SRD5A1: variants seen among roughly 807,000 people sequenced by gnomAD.
SRD5A1 encodes steroid 5 alpha-reductase 1, also known as 3-oxo-5-alpha-steroid 4-dehydrogenase 1.
A neutral mutation model predicts 28.2 loss-of-function variants in SRD5A1; 22 were observed. The ratio of observed to expected loss-of-function variants is 0.78; its 90% confidence interval spans 0.56 to 1.12. The LOEUF is 1.12. Among genes scored for constraint, SRD5A1 ranks in the 50% most tolerant of loss-of-function variants. The pLI, the probability that SRD5A1 is intolerant of heterozygous loss-of-function variation, is 0.00. For missense variants in SRD5A1, 300 were observed against 346.7 expected, an observed-to-expected ratio of 0.87 and a Z score of 1.07; for synonymous variants, 151 against 135.0, an observed-to-expected ratio of 1.12 and a Z score of -0.82.
intron 1 of SRD5A1, among the ~76,000 whole-genome samples, chr5:6,636,066 T>A (rs1267712179): frequency 7.3e-6 from 1 of 136,552 alleles, no homozygotes; most frequent in Non-Finnish European, 1.6e-5. Context: ...GTTTTTTTTT[T>A]AAATTGCTAG....
intron 3 of SRD5A1, among the ~76,000 whole-genome samples, chr5:6,658,140 C>G (rs1012937783): frequency 3.3e-5 from 5 of 152,082 alleles, no homozygotes; most frequent in African/African-American, 1.2e-4. Context: ...ACCTGGCCAA[C>G]ATGGTAAAAC....
At chr5:6,643,114 C>T (rs1245800553) in intron 1 of SRD5A1, among the ~76,000 whole-genome samples, 2 of 151,490 alleles carry the variant, frequency 1.3e-5, no homozygotes, top group South Asian at 2.1e-4. Flanking sequence ...CTACTAAATT[C>T]GTGTTTTCTC....
chr5:6,669,096 G>A lies in SRD5A1; in HGVS notation c.*828G>A, dbSNP rs1011662194. 1.3e-5 allele frequency: 2 copies of A among 152,208 alleles called. No individual in the cohort carries two copies. Among genetic ancestry groups the A allele is most frequent in the African/African-American group, 2.4e-5 (1 of 41,438 alleles). The allele number at this position is 152,208 out of a possible 1,614,324, so 9.4% of individuals were successfully genotyped here. ...CTAGTTTTTTTGTTCTGTTCCCCAC[G>A]TATGGATATAGTAGAGATTGTTGTC... On this transcript the variant is annotated 3_prime_UTR_variant, in exon 5 of 5. Coordinates refer to ENST00000274192, the MANE Select transcript of SRD5A1 (RefSeq NM_001047.4).
Position 6,633,512 on chromosome 5 carries a change from G to T in SRD5A1, c.-65G>T. 1 of 1,387,972 alleles carries T rather than the reference G, an allele frequency of 7.2e-7. No homozygotes were observed. The highest frequency in any genetic ancestry group is 9.3e-7 in the Non-Finnish European group (1 of 1,079,202). 86.0% of individuals were successfully genotyped at this position (1,387,972 alleles called of 1,614,324 possible). On this transcript the variant is annotated 5_prime_UTR_variant, in exon 1 of 5. Coordinates refer to ENST00000274192, the MANE Select transcript of SRD5A1 (RefSeq NM_001047.4). Reference sequence around the variant, plus strand: ...CGGTAGCCGCCCCTCCTGCCCCCGCGCCGCCGCCCTATATGTTGCCCGCCG... The same window carrying T: ...CGGTAGCCGCCCCTCCTGCCCCCGCTCCGCCGCCCTATATGTTGCCCGCCG...
rs775242539 is a variant in SRD5A1, at chr5:6,633,618, C to A, written c.42C>A (p.Ala14=). The change falls in exon 1 of 5, where the codon GCC becomes GCA. Residue 14 remains alanine (A), a synonymous_variant. Transcript: ENST00000274192. The part of the protein sequence containing the change: ...ATGVAEERLL[A]ALAYLQCAVG... Reference sequence around the variant, plus strand: ...GGGTGGCGGAGGAGCGCCTGCTGGCCGCGCTCGCCTACCTGCAGTGCGCCG... The same window carrying A: ...GGGTGGCGGAGGAGCGCCTGCTGGCAGCGCTCGCCTACCTGCAGTGCGCCG... 13 of 1,530,678 alleles carry A rather than the reference C, an allele frequency of 8.5e-6. No homozygotes were observed. The highest frequency in any genetic ancestry group is 1.0e-5 in the Non-Finnish European group (12 of 1,146,708). The allele number at this position is 1,530,678 out of a possible 1,614,324, so 94.8% of individuals were successfully genotyped here.
chr5:6,650,473 C>G (rs1738637305), intron 1 of SRD5A1, among the ~76,000 whole-genome samples: 2 of 150,844 alleles, frequency 1.3e-5, no homozygotes, highest in African/African-American at 4.9e-5. Flanking sequence ...GTAGTGATGT[C>G]CCCTCTTTCA....
intron 1 of SRD5A1, among the ~76,000 whole-genome samples, chr5:6,647,675 T>C (rs1480104682): frequency 2.0e-5 from 3 of 152,226 alleles, no homozygotes; most frequent in Non-Finnish European, 4.4e-5. Context: ...GCACGTGAGA[T>C]GGGTCTCCTG....
At chr5:6,645,448 T>TG (rs1738482269) in intron 1 of SRD5A1, 1 of 159,718 alleles carries the variant, frequency 6.3e-6, no homozygotes, top group Non-Finnish European at 1.4e-5. Context: ...GAGAACAGCC[T>TG]GACCAACATG....
chr5:6,634,149 G>T (rs1279673625), intron 1 of SRD5A1, among the ~76,000 whole-genome samples: 1 of 152,208 alleles, frequency 6.6e-6, no homozygotes, highest in Admixed American at 6.5e-5. Flanking sequence ...TCTGGAAAGA[G>T]CCACTCAGTG....
At chr5:6,646,616 G>T (rs1189718324) in intron 1 of SRD5A1, among the ~76,000 whole-genome samples, 2 of 152,134 alleles carry the variant, frequency 1.3e-5, no homozygotes, top group Non-Finnish European at 2.9e-5. Context: ...GGGACCGGTG[G>T]TGATATCCTC....
At chr5:6,659,399 C>T in intron 3 of SRD5A1, among the ~76,000 whole-genome samples, 1 of 152,094 alleles carries the variant, frequency 6.6e-6, no homozygotes, top group East Asian at 2.0e-4. Flanking sequence ...AGGCGTGAGC[C>T]ACCGTGCCCG....
intron 4 of SRD5A1, among the ~76,000 whole-genome samples, chr5:6,665,308 G>A (rs1230267612): frequency 6.6e-6 from 1 of 152,210 alleles, no homozygotes; most frequent in Non-Finnish European, 1.5e-5. Flanking sequence ...AACTGGGAGA[G>A]AATCAGTGGC....
rs1017268196 is a variant in SRD5A1 at position 6,642,174 on chromosome 5, G to T, written c.293+8305G>T. Among the ~76,000 whole-genome samples the T allele has an allele frequency of 3.3e-5, 5 of 152,028 alleles. No individual in the cohort carries two copies. In the East Asian group the frequency reaches 7.7e-4, roughly 23 times the overall value. ...AACATTTCACTTATTGGGATTCAAA[G>T]TTAGTGTTTCCTATTATCAACATCT... is the stretch of plus-strand genomic sequence containing the variant. On this transcript the variant is annotated intron_variant, in intron 1 of 4. Transcript: ENST00000274192.
At chr5:6,658,087 G>A (rs577543491) in intron 3 of SRD5A1, among the ~76,000 whole-genome samples, 3 of 152,314 alleles carry the variant, frequency 2.0e-5, no homozygotes, top group African/African-American at 7.2e-5. Flanking sequence ...CATGTTGAGA[G>A]GCCGAGGTGG....
chr5:6,662,468 A>G (rs963308306), intron 3 of SRD5A1, among the ~76,000 whole-genome samples: 12 of 152,110 alleles, frequency 7.9e-5, no homozygotes, highest in African/African-American at 2.9e-4. Context: ...TTTGTCCCTC[A>G]TTGCTCTAGG....
At chr5:6,650,982 G>T (rs1217444742) in intron 1 of SRD5A1, among the ~76,000 whole-genome samples, 1 of 152,062 alleles carries the variant, frequency 6.6e-6, no homozygotes, top group Non-Finnish European at 1.5e-5. Flanking sequence ...CCACTCACTA[G>T]CTTGTGGCCT....
In SRD5A1 at chr5:6,656,066, T is replaced by C. The variant is rs1738823014; in HGVS notation, c.461-12T>C. 1 of 1,610,874 alleles carries C rather than the reference T, an allele frequency of 6.2e-7. No individual in the cohort carries two copies. The highest frequency in any genetic ancestry group is 1.7e-5 in the Admixed American group (1 of 59,886). On this transcript the variant is annotated splice_polypyrimidine_tract_variant and intron_variant, in intron 2 of 4. Transcript: ENST00000274192. ...TATTAGCCATAATCATCTTGCAATTTTTTTCCTTTAGGTTTTGGCTTGTGG... is the reference window on the plus strand; with the variant it reads ...TATTAGCCATAATCATCTTGCAATTCTTTTCCTTTAGGTTTTGGCTTGTGG...
chr5:6,645,755 G>A (rs1738490811), intron 1 of SRD5A1, among the ~76,000 whole-genome samples: 1 of 151,758 alleles, frequency 6.6e-6, no homozygotes, highest in African/African-American at 2.4e-5. Context: ...AACTCCCTTT[G>A]TGTCATTGTG....
intron 1 of SRD5A1, chr5:6,645,353 ATT>A (rs1738479411): frequency 5.0e-6 from 1 of 198,824 alleles, no homozygotes; most frequent in Non-Finnish European, 1.0e-5. Flanking sequence ...TAAGTCTGTA[ATT>A]TGGGCTGGTC....
Sources: allele counts gnomAD v4.1 joint callset (sites outside exome capture counted in the v4.1 genomes callset), GRCh38; gene constraint gnomAD v4.1.1; transcripts MANE v1.5; gene names NCBI Gene and HGNC (gene_info 2026-07-23, HGNC 2026-07-21).